The following ITPKB variants were observed in gnomAD, a reference collection of about 807,000 sequenced individuals.
The protein encoded by ITPKB is IP3 3-kinase B.
Under a neutral mutation model 69.4 loss-of-function variants are expected in ITPKB, and 13 were observed. That is an observed-to-expected ratio of 0.19 (90% confidence interval 0.12 to 0.30). The LOEUF is 0.30. Ranked by LOEUF, ITPKB falls within the 10% of genes least tolerant of loss-of-function variation. The probability of loss-of-function intolerance (pLI) is 1.00; values close to 1 mark genes in which losing one functional copy is unlikely to be tolerated. For missense variants in ITPKB, 1,240 were observed against 1,250.5 expected (o/e 0.99, Z 0.13); for synonymous variants, 584 against 513.7 (o/e 1.14, Z -1.85).
chr1:226,715,647 T>C (rs1203994123), intron 2 of ITPKB, among the ~76,000 whole-genome samples: 1 of 152,244 alleles, frequency 6.6e-6, no homozygotes. Context: ...GAGTCAGGAA[T>C]GTAACAAGAG....
At chr1:226,638,881 C>T (rs893075602) in intron 6 of ITPKB, among the ~76,000 whole-genome samples, 3 of 151,960 alleles carry the variant, frequency 2.0e-5, no homozygotes, top group Non-Finnish European at 4.4e-5. Flanking sequence ...GAAATGCTCT[C>T]TGGAGCTATG....
chr1:226,713,881 TCCCAC>T (rs1657033918), intron 2 of ITPKB, among the ~76,000 whole-genome samples: 2 of 152,092 alleles, frequency 1.3e-5, no homozygotes, highest in African/African-American at 2.4e-5. Flanking sequence ...GTTCTATCAC[TCCCAC>T]CCCAACATCC....
In ITPKB at chr1:226,663,130, C is replaced by T. The variant is rs759659565; in HGVS notation, c.1933-14359G>A. Among the ~76,000 whole-genome samples the T allele has an allele frequency of 5.9e-5, 9 of 152,336 alleles. No individual in the cohort carries two copies. In the East Asian group the frequency reaches 7.7e-4, roughly 13 times the overall value. Reference sequence around the variant, plus strand: ...TCAGCTGTCCCCCGGGTCATCTTGACGGTATGTGTGACGATATGTGTGATT... The same window carrying T: ...TCAGCTGTCCCCCGGGTCATCTTGATGGTATGTGTGACGATATGTGTGATT... On this transcript the variant is annotated intron_variant, in intron 2 of 7. Coordinates refer to ENST00000429204, the MANE Select transcript of ITPKB (RefSeq NM_002221.4).
At chr1:226,673,411 T>C (rs1669660281) in intron 2 of ITPKB, among the ~76,000 whole-genome samples, 1 of 152,160 alleles carries the variant, frequency 6.6e-6, no homozygotes, top group African/African-American at 2.4e-5. Context: ...GGAGAAACTG[T>C]GAAGGTATAG....
chr1:226,696,783 A>T (rs1656499931), intron 2 of ITPKB, among the ~76,000 whole-genome samples: 1 of 152,166 alleles, frequency 6.6e-6, no homozygotes, highest in South Asian at 2.1e-4. Flanking sequence ...AAGGCCTGAG[A>T]ATCTCAGAGC....
intron 4 of ITPKB, among the ~76,000 whole-genome samples, chr1:226,646,963 C>A (rs988617305): frequency 6.6e-6 from 1 of 152,212 alleles, no homozygotes; most frequent in Non-Finnish European, 1.5e-5. Context: ...AGGAAAGGGG[C>A]CATCATGGGC....
rs1356913685 is a variant in ITPKB at position 226,641,486 on chromosome 1, G to A, written c.2451+435C>T. Among the ~76,000 whole-genome samples the A allele has an allele frequency of 6.6e-6, 1 of 152,374 alleles. No individual in the cohort carries two copies. The highest frequency in any genetic ancestry group is 1.9e-4 in the East Asian group (1 of 5,194). On this transcript the variant is annotated intron_variant, in intron 5 of 7. Transcript: ENST00000429204. This position sits in a 1 kb window ranked among gnomAD's most constrained non-coding sequence, Gnocchi z 4.6. Reference sequence around the variant, plus strand: ...AAAAAAGATCGAAGAGCAAAGCAGAGAGAATGCAGTTTCTCAGAGACCCTG... The same window carrying A: ...AAAAAAGATCGAAGAGCAAAGCAGAAAGAATGCAGTTTCTCAGAGACCCTG...
At chr1:226,662,641 G>A (rs1166972913) in intron 2 of ITPKB, among the ~76,000 whole-genome samples, 3 of 152,220 alleles carry the variant, frequency 2.0e-5, no homozygotes, top group African/African-American at 7.2e-5. Flanking sequence ...GGTCATCCTG[G>A]TCTAAATCCA....
chr1:226,687,173 C>A (rs1656236571), intron 2 of ITPKB, among the ~76,000 whole-genome samples: 1 of 152,074 alleles, frequency 6.6e-6, no homozygotes, highest in African/African-American at 2.4e-5. Context: ...ACACTTGGGC[C>A]AAAATAAGAT....
At chr1:226,681,937 C>T (rs1258737999) in intron 2 of ITPKB, among the ~76,000 whole-genome samples, 1 of 152,182 alleles carries the variant, frequency 6.6e-6, no homozygotes, top group Non-Finnish European at 1.5e-5. Context: ...CATAAAAAGG[C>T]TCAGAGCTAT....
At chr1:226,684,316 C>T (rs1446177676) in intron 2 of ITPKB, among the ~76,000 whole-genome samples, 1 of 152,166 alleles carries the variant, frequency 6.6e-6, no homozygotes, top group Admixed American at 6.5e-5. Flanking sequence ...TCCAGCTGGC[C>T]AGCCTAGTGC....
intron 5 of ITPKB, among the ~76,000 whole-genome samples, chr1:226,640,151 A>AT (rs1182357439): frequency 2.6e-5 from 4 of 152,036 alleles, no homozygotes; most frequent in Admixed American, 2.6e-4. Context: ...ATAATCTACC[A>AT]TCTCTTCTTT....
rs535667307 is a variant in ITPKB at position 226,731,491 on chromosome 1, G to C, written c.1932+4036C>G. ...AAACCCACACCTAAGAAGTCTTGTC[G>C]CATTTTCTGATACCCTAATACAAAC... is the stretch of plus-strand genomic sequence containing the variant. On this transcript the variant is annotated intron_variant, in intron 2 of 7. Coordinates refer to ENST00000429204, the MANE Select transcript of ITPKB (RefSeq NM_002221.4). Among the ~76,000 whole-genome samples, 22 of 152,260 alleles carry C rather than the reference G, an allele frequency of 1.4e-4. No individual in the cohort carries two copies. The Middle Eastern group carries it at 0.024, about 165-fold the overall frequency.
At chr1:226,693,279 T>C (rs1656401327) in intron 2 of ITPKB, among the ~76,000 whole-genome samples, 1 of 152,202 alleles carries the variant, frequency 6.6e-6, no homozygotes, top group African/African-American at 2.4e-5. Context: ...TTCGGGCTTC[T>C]GGAAGCAGTC....
In ITPKB at chr1:226,634,479, G is replaced by A; in HGVS notation, c.*192C>T. The A allele has an allele frequency of 1.7e-6, 1 of 589,428 alleles. No individual in the cohort carries two copies. Among genetic ancestry groups the A allele is most frequent in the Non-Finnish European group, 3.0e-6 (1 of 329,598 alleles). 36.5% of individuals were successfully genotyped at this position (589,428 alleles called of 1,614,324 possible). Reference sequence around the variant, plus strand: ...TAGGTGACCCTCTCTACAAAAAGCAGTGCAAACACCACCTCCAAGCCCTGA... The same window carrying A: ...TAGGTGACCCTCTCTACAAAAAGCAATGCAAACACCACCTCCAAGCCCTGA... On this transcript the variant is annotated 3_prime_UTR_variant, in exon 8 of 8. Coordinates refer to ENST00000429204, the MANE Select transcript of ITPKB (RefSeq NM_002221.4). This position sits in a 1 kb window ranked among gnomAD's most constrained non-coding sequence, Gnocchi z 6.3.
At chr1:226,732,351 G>A (rs941392795) in intron 2 of ITPKB, among the ~76,000 whole-genome samples, 7 of 152,090 alleles carry the variant, frequency 4.6e-5, no homozygotes, top group African/African-American at 1.2e-4. Context: ...CAATTCTCCT[G>A]CCTTAGCCTC....
chr1:226,727,033 G>A (rs697852), intron 2 of ITPKB, among the ~76,000 whole-genome samples: 125,152 of 152,162 alleles, frequency 0.82, 51,653 homozygotes, highest in East Asian at 1. Context: ...TTTCCTGCTA[G>A]CAGATTCAGG....
intron 2 of ITPKB, among the ~76,000 whole-genome samples, chr1:226,727,174 T>TAACATATAAAAAGCATTATAC: frequency 6.6e-6 from 1 of 152,310 alleles, no homozygotes; most frequent in South Asian, 2.1e-4. Flanking sequence ...GAGCATTATA[T>TAACATATAAAAAGCATTATAC]AACATATAAA....
intron 2 of ITPKB, among the ~76,000 whole-genome samples, chr1:226,664,541 C>A (rs548118378): frequency 6.6e-6 from 1 of 152,356 alleles, no homozygotes; most frequent in South Asian, 2.1e-4. Context: ...CGGCCTCTTG[C>A]AGGCTCAGCC....
Sources: allele counts gnomAD v4.1 joint callset (sites outside exome capture counted in the v4.1 genomes callset), GRCh38; gene constraint gnomAD v4.1.1; non-coding constraint Gnocchi (gnomAD v3.1); transcripts MANE v1.5; gene names NCBI Gene and HGNC (gene_info 2026-07-23, HGNC 2026-07-21).